Variants in LIPA observed in about 807,000 individuals in gnomAD.
LIPA encodes lipase A, lysosomal acid type, also known as lysosomal acid lipase/cholesteryl ester hydrolase.
In LIPA, 26 loss-of-function variants were observed where a neutral mutation model predicts 40.6. The ratio of observed to expected loss-of-function variants is 0.64; its 90% CI spans 0.47 to 0.89. LIPA has a LOEUF of 0.89. Ranked by LOEUF, LIPA falls within the 40% of genes least tolerant of loss-of-function variation. The pLI, the probability that LIPA is intolerant of heterozygous loss-of-function variation, is 0.00. For missense variants in LIPA, 455 were observed against 479.6 expected (o/e 0.95, Z 0.48); for synonymous variants, 188 against 168.4 (o/e 1.12, Z -0.90).
chr10:89,264,784 C>A (rs1455429895), intron 1 of LIPA, among the ~76,000 whole-genome samples: 1 of 152,078 alleles, frequency 6.6e-6, no homozygotes, highest in Non-Finnish European at 1.5e-5. Context: ...CTGTGGACAC[C>A]ACCTGGAACT....
intron 1 of LIPA, among the ~76,000 whole-genome samples, chr10:89,289,689 C>T (rs1320891457): frequency 1.3e-5 from 2 of 152,074 alleles, no homozygotes; most frequent in Non-Finnish European, 2.9e-5. Context: ...TATTCAGTGG[C>T]GCCTGGTTTT....
At chr10:89,299,175 G>T (rs1050595196) in intron 1 of LIPA, among the ~76,000 whole-genome samples, 5 of 151,568 alleles carry the variant, frequency 3.3e-5, no homozygotes, top group Non-Finnish European at 7.4e-5. Context: ...TGAAATTCTG[G>T]AACTGAAGAA....
chr10:89,225,703 G>A lies in LIPA; in HGVS notation c.539-475C>T, dbSNP rs1002304714. 1.8e-4 allele frequency among the ~76,000 whole-genome samples: 28 copies of A among 152,048 alleles called. 1 individual carries two copies. The highest frequency in any genetic ancestry group is 4.0e-4 in the Non-Finnish European group (27 of 68,012). On this transcript the variant is annotated intron_variant, in intron 5 of 9. Coordinates refer to ENST00000336233, the MANE Select transcript of LIPA (RefSeq NM_000235.4). ...TAAAATATATTTTAACCCTTGATATGGTTTGGGTGTGTTCCCACCCAAATC... is the reference window on the plus strand; with the variant it reads ...TAAAATATATTTTAACCCTTGATATAGTTTGGGTGTGTTCCCACCCAAATC...
At chr10:89,271,295 G>C (rs546777027) in intron 1 of LIPA, among the ~76,000 whole-genome samples, 14 of 152,302 alleles carry the variant, frequency 9.2e-5, no homozygotes, top group African/African-American at 3.1e-4. Context: ...CAGTGGTTAT[G>C]GGACATTCCC....
intron 1 of LIPA, chr10:89,284,018 C>T (rs904097010): frequency 2.6e-5 from 4 of 152,196 alleles, no homozygotes; most frequent in African/African-American, 9.6e-5. Flanking sequence ...TTAGAGAATA[C>T]TTGTTTCTTG....
intron 1 of LIPA, chr10:89,308,896 T>C (rs1843500168): frequency 1.3e-5 from 2 of 152,214 alleles, no homozygotes; most frequent in South Asian, 4.1e-4. Flanking sequence ...TTTTCATTAA[T>C]AAATAACCTA....
At chr10:89,361,073 T>C (rs1050485530) in intron 2 of LIPA, among the ~76,000 whole-genome samples, 4 of 152,190 alleles carry the variant, frequency 2.6e-5, no homozygotes, top group African/African-American at 4.8e-5. Context: ...CCCAATGTGC[T>C]CATCTTTGAT....
intron 2 of LIPA, among the ~76,000 whole-genome samples, chr10:89,385,867 T>C (rs138734017): frequency 4.9e-4 from 74 of 152,328 alleles, no homozygotes; most frequent in Non-Finnish European, 8.2e-4. Context: ...AGAGCTTTGC[T>C]AAGATCACAA....
chr10:89,401,718 G>A (rs1231954703), intron 2 of LIPA, among the ~76,000 whole-genome samples: 1 of 151,464 alleles, frequency 6.6e-6, no homozygotes, highest in Non-Finnish European at 1.5e-5. Flanking sequence ...GTGGGTGAAG[G>A]ATACACTGGA....
chr10:89,252,111 C>T (rs1443411819), upstream of LIPA: 1 of 152,264 alleles, frequency 6.6e-6, no homozygotes, highest in African/African-American at 2.4e-5. Flanking sequence ...GCCCCCGAAG[C>T]TCCTGCAGGG....
chr10:89,263,194 G>A (rs1843219528), intron 1 of LIPA, among the ~76,000 whole-genome samples: 1 of 152,186 alleles, frequency 6.6e-6, no homozygotes, highest in Non-Finnish European at 1.5e-5. Context: ...TAAATGAACT[G>A]CAAGCCTATT....
intron 2 of LIPA, among the ~76,000 whole-genome samples, chr10:89,397,047 C>T (rs1344930678): frequency 6.6e-6 from 1 of 152,112 alleles, no homozygotes; most frequent in Non-Finnish European, 1.5e-5. Context: ...GTTTTGGACA[C>T]TTCTTTACAA....
In LIPA at chr10:89,220,171, C is replaced by T. The variant is rs572279525; in HGVS notation, c.894+2340G>A. Among the ~76,000 whole-genome samples the T allele has an allele frequency of 2.6e-5, 4 of 152,302 alleles. No homozygotes were observed. In the East Asian group the frequency reaches 5.8e-4, roughly 22 times the overall value. On this transcript the variant is annotated intron_variant, in intron 8 of 9. Coordinates refer to ENST00000336233, the MANE Select transcript of LIPA (RefSeq NM_000235.4). ...AGGACAGCCTTGGTTTCAACATTCCCAAGGGCCTCTGACATCCCAGGTCTG... is the reference window on the plus strand; with the variant it reads ...AGGACAGCCTTGGTTTCAACATTCCTAAGGGCCTCTGACATCCCAGGTCTG...
intron 2 of LIPA, among the ~76,000 whole-genome samples, chr10:89,355,842 T>C (rs1843985897): frequency 6.6e-6 from 1 of 152,178 alleles, no homozygotes; most frequent in Admixed American, 6.5e-5. Context: ...CGCCATGGCA[T>C]TTTGCCATGG....
chr10:89,384,558 G>T, intron 2 of LIPA: 1 of 1,614,088 alleles, frequency 6.2e-7, no homozygotes. Context: ...CCCATTCCAG[G>T]GAAAAACTTC....
At chr10:89,305,726 C>T (rs897975320) in intron 1 of LIPA, among the ~76,000 whole-genome samples, 1 of 152,126 alleles carries the variant, frequency 6.6e-6, no homozygotes, top group African/African-American at 2.4e-5. Flanking sequence ...GCCACAGACT[C>T]AGAGAACAAC....
At chr10:89,358,141 T>G (rs1474809027) in intron 2 of LIPA, among the ~76,000 whole-genome samples, 1 of 152,178 alleles carries the variant, frequency 6.6e-6, no homozygotes, top group African/African-American at 2.4e-5. Flanking sequence ...CCACTTTCTA[T>G]TAGTTCCTCC....
intron 1 of LIPA, among the ~76,000 whole-genome samples, chr10:89,265,584 T>C (rs1188804886): frequency 6.6e-6 from 1 of 152,196 alleles, no homozygotes; most frequent in East Asian, 1.9e-4. Flanking sequence ...TTACTTTCCT[T>C]TTACATTTTT....
At chr10:89,306,861 G>T in intron 1 of LIPA, 1 of 1,614,058 alleles carries the variant, frequency 6.2e-7, no homozygotes, top group Non-Finnish European at 8.5e-7. Flanking sequence ...ATGAATCTAA[G>T]AGAGAATGGA....
Sources: gnomAD v4.1 joint callset for allele counts (sites outside exome capture counted in the v4.1 genomes callset) on GRCh38, gnomAD v4.1.1 for gene constraint, MANE v1.5 for transcripts, NCBI Gene and HGNC (gene_info 2026-07-23, HGNC 2026-07-21) for gene names.